Variants in POLN observed in about 807,000 individuals in gnomAD.
POLN encodes DNA polymerase N.
POLN carries 108 observed loss-of-function variants against 113.5 expected under a neutral mutation model. That is an observed-to-expected ratio of 0.95 (90% confidence interval 0.81 to 1.12). The LOEUF (loss-of-function observed/expected upper bound fraction) is 1.12, where lower values mean the gene tolerates loss of function less well. Ranked by LOEUF, POLN falls within the 50% of genes most tolerant of loss-of-function variation. POLN has a pLI of 0.00. For missense variants in POLN, 1,097 were observed against 1,077.1 expected, an observed-to-expected ratio of 1.02 and a Z score of -0.26; for synonymous variants, 386 against 391.5, an observed-to-expected ratio of 0.99 and a Z score of 0.17.
At chr4:2,106,688 A>G (rs1731073968) in intron 19 of POLN, among the ~76,000 whole-genome samples, 1 of 152,202 alleles carries the variant, frequency 6.6e-6, no homozygotes, top group South Asian at 2.1e-4. Flanking sequence ...TTTATCATAT[A>G]CTAAATGCTT....
intron 20 of POLN, among the ~76,000 whole-genome samples, chr4:2,094,363 C>CAA (rs57646944): frequency 1.1e-4 from 6 of 53,364 alleles, no homozygotes; most frequent in African/African-American, 2.4e-4. Flanking sequence ...GTTCTGTCTC[C>CAA]AAAAAAAAAA....
intron 16 of POLN, among the ~76,000 whole-genome samples, chr4:2,149,359 T>C (rs1047891877): frequency 2.0e-5 from 3 of 150,958 alleles, no homozygotes; most frequent in Non-Finnish European, 3.0e-5. Context: ...AAACCAAAGA[T>C]GAAATAAAGA....
At chr4:2,227,829 A>C (rs1734437415) in intron 3 of POLN, 1 of 152,172 alleles carries the variant, frequency 6.6e-6, no homozygotes, top group African/African-American at 2.4e-5. Context: ...CATTATTCTT[A>C]CCGGTTTTTG....
intron 5 of POLN, among the ~76,000 whole-genome samples, chr4:2,205,745 C>T (rs758890583): frequency 2.0e-5 from 3 of 151,938 alleles, no homozygotes; most frequent in Admixed American, 6.6e-5. Context: ...TGGTGGCACG[C>T]ACCTCCCAAG....
chr4:2,177,080 T>C (rs992176889), intron 8 of POLN, among the ~76,000 whole-genome samples: 3 of 152,190 alleles, frequency 2.0e-5, no homozygotes, highest in Admixed American at 6.5e-5. Context: ...CCTGTGAATG[T>C]TGGGAGAACA....
chr4:2,094,934 G>C (rs546181853), intron 20 of POLN, among the ~76,000 whole-genome samples: 15 of 152,288 alleles, frequency 9.8e-5, no homozygotes, highest in African/African-American at 3.1e-4. Context: ...GCAGGATGGT[G>C]AATCTTCTTT....
chr4:2,108,458 TA>T (rs917545253), intron 19 of POLN, among the ~76,000 whole-genome samples: 123 of 152,254 alleles, frequency 8.1e-4, no homozygotes, highest in African/African-American at 2.9e-3. Context: ...TTTTTATTGT[TA>T]AAGGGATAGA....
Position 2,072,076 on chromosome 4 carries a change from G to A in POLN, c.*38C>T, listed in dbSNP as rs762370782. 1.9e-6 allele frequency: 3 copies of A among 1,606,676 alleles called. No individual in the cohort carries two copies. The Admixed American group carries it at 5.0e-5, about 27-fold the overall frequency. On this transcript the variant is annotated 3_prime_UTR_variant, in exon 26 of 26. Coordinates refer to ENST00000511885, the MANE Select transcript of POLN (RefSeq NM_181808.4). ...CTTGGGGAAGGCCACACAATGGACT[G>A]CTGGAAACCAGTTCTCTCCTCCCAC...
intron 16 of POLN, among the ~76,000 whole-genome samples, chr4:2,134,554 G>A (rs769153488): frequency 6.6e-6 from 1 of 152,130 alleles, no homozygotes; most frequent in Non-Finnish European, 1.5e-5. Context: ...TTTGATCTTA[G>A]TCGTTCTAAT....
intron 22 of POLN, 116 bp downstream of exon 22, chr4:2,081,517 G>C: frequency 1.0e-6 from 1 of 994,316 alleles, no homozygotes; most frequent in Non-Finnish European, 1.5e-6. Flanking sequence ...CTGCAAGGAG[G>C]TTTGTGATGA....
intron 13 of POLN, among the ~76,000 whole-genome samples, chr4:2,165,953 T>A (rs1435057744): frequency 6.6e-6 from 1 of 152,044 alleles, no homozygotes; most frequent in African/African-American, 2.4e-5. Context: ...ATTTTTAAAT[T>A]TTTTGTAGAG....
rs749696625 is a variant in POLN at position 2,208,428 on chromosome 4, G to A, written c.273C>T (p.Ser91=). 11 of 1,593,098 alleles carry A rather than the reference G, an allele frequency of 6.9e-6. No homozygotes were observed. In the Admixed American group the frequency reaches 1.1e-4, roughly 16 times the overall value. ...GCTGATCTGTGAGCCTGACACTGAA[G>A]GACTGAGGAGACAGCTTGGCAGAAC... ...SRGSAKLSPQ[S]FSVRLTDQLS... The change falls in exon 5 of 26, where the codon TCC becomes TCT. Residue 91 remains serine (S), a synonymous_variant. Transcript: ENST00000511885.
At chr4:2,120,650 C>A (rs1164870287) in intron 19 of POLN, among the ~76,000 whole-genome samples, 1 of 152,042 alleles carries the variant, frequency 6.6e-6, no homozygotes, top group Admixed American at 6.6e-5. Flanking sequence ...CTCATCACTA[C>A]AACCGGCTAA....
intron 7 of POLN, among the ~76,000 whole-genome samples, chr4:2,181,168 G>T (rs1468260183): frequency 6.6e-6 from 1 of 151,962 alleles, no homozygotes; most frequent in African/African-American, 2.4e-5. Context: ...TTTTTGAGAT[G>T]GAGTCTTGCT....
At chr4:2,147,643 C>CTTTTTTTCTTT in intron 16 of POLN, among the ~76,000 whole-genome samples, 1 of 79,358 alleles carries the variant, frequency 1.3e-5, no homozygotes, top group South Asian at 4.6e-4. Flanking sequence ...TTTTTCTTTT[C>CTTTTTTTCTTT]TTTTTTTTTT....
At chr4:2,079,399 T>A (rs1057085634) in intron 23 of POLN, 2 of 979,154 alleles carry the variant, frequency 2.0e-6, no homozygotes, top group Non-Finnish European at 2.4e-6. Context: ...CAGGACACCA[T>A]GAGAACACTG....
intron 19 of POLN, among the ~76,000 whole-genome samples, chr4:2,121,199 C>T (rs575978204): frequency 3.3e-5 from 5 of 152,148 alleles, no homozygotes; most frequent in South Asian, 2.1e-4. Context: ...CTCTGGGAGG[C>T]GGAGGCAGGT....
At chr4:2,148,362 G>A (rs529092241) in intron 16 of POLN, among the ~76,000 whole-genome samples, 3 of 152,132 alleles carry the variant, frequency 2.0e-5, no homozygotes, top group Admixed American at 6.5e-5. Context: ...GAGAGAAAAG[G>A]AGGCCCATAA....
Position 2,128,154 on chromosome 4 carries a change from T to C in POLN, c.1941A>G (p.Glu647=). The change falls in exon 19 of 26, where the codon GAA becomes GAG. Residue 647 remains glutamate, a synonymous_variant. Transcript: ENST00000511885. ...GDPELLKLFQ[E]SERDDVFSTL... ...TAGAAAATACATCATCTCTTTCAGA[T>C]TCCTGGAATAACTTCAGAAGTTCCG... The C allele has an allele frequency of 6.2e-7, 1 of 1,611,336 alleles. No homozygotes were observed. The highest frequency in any genetic ancestry group is 8.5e-7 in the Non-Finnish European group (1 of 1,177,522).
Sources: gnomAD v4.1 joint callset for allele counts (sites outside exome capture counted in the v4.1 genomes callset) on GRCh38, gnomAD v4.1.1 for gene constraint, MANE v1.5 for transcripts, NCBI Gene and HGNC (gene_info 2026-07-23, HGNC 2026-07-21) for gene names.